Variants in ASTN2 observed in about 807,000 individuals in gnomAD.
ASTN2 encodes astrotactin 2.
Under a neutral mutation model 139.8 loss-of-function variants are expected in ASTN2, and 54 were observed. That is an observed-to-expected ratio of 0.39 (90% CI 0.31 to 0.48). ASTN2 has a LOEUF of 0.48. Among genes scored for constraint, ASTN2 ranks in the 20% least tolerant of loss-of-function variants. The pLI is 0.95. For synonymous variants in ASTN2, 756 were observed against 719.5 expected (o/e 1.05, Z -0.81); for missense variants, 1,565 against 1,725.1 (o/e 0.91, Z 1.64).
chr9:116,619,796 C>T (rs924237942), intron 18 of ASTN2, among the ~76,000 whole-genome samples: 2 of 148,622 alleles, frequency 1.3e-5, no homozygotes, highest in African/African-American at 5.0e-5. Context: ...TCCTAAAGTG[C>T]AGGGATTACA....
intron 11 of ASTN2, among the ~76,000 whole-genome samples, chr9:116,840,333 C>A (rs916502688): frequency 1.3e-5 from 2 of 151,306 alleles, no homozygotes; most frequent in Non-Finnish European, 2.9e-5. Context: ...ACCTTTCCCC[C>A]CTTTCTATTC....
chr9:117,089,737 C>G (rs1828658032), intron 5 of ASTN2, among the ~76,000 whole-genome samples: 1 of 145,386 alleles, frequency 6.9e-6, no homozygotes, highest in African/African-American at 2.5e-5. Context: ...GCCTTTGCGT[C>G]ACCATAGTTT....
chr9:116,915,169 C>T (rs1834407473), intron 10 of ASTN2, among the ~76,000 whole-genome samples: 1 of 152,136 alleles, frequency 6.6e-6, no homozygotes, highest in Admixed American at 6.5e-5. Flanking sequence ...CCATTGAATA[C>T]AAAGCAAATA....
At chr9:117,171,164 A>T (rs201265351) in intron 3 of ASTN2, among the ~76,000 whole-genome samples, 1 of 150,868 alleles carries the variant, frequency 6.6e-6, no homozygotes, top group East Asian at 2.0e-4. Context: ...GGCAAAAGAA[A>T]AAAAGAAAAG....
rs183475811 is a variant in ASTN2, at chr9:116,764,798, G to A, written c.2397-31275C>T. ...TAATTGTCGTCCTACATTTATGTGA[G>A]TGCTGACATTTGAGAACTTTAACTG... is the stretch of plus-strand genomic sequence containing the variant. On this transcript the variant is annotated intron_variant, in intron 13 of 22. Coordinates refer to ENST00000313400, the MANE Select transcript of ASTN2 (RefSeq NM_001365068.1). 3.0e-3 allele frequency among the ~76,000 whole-genome samples: 463 copies of A among 152,292 alleles called. 2 individuals are homozygous for A. The highest frequency in any genetic ancestry group is 0.01 in the Middle Eastern group (3 of 294).
chr9:116,827,844 A>T (rs1047863121), intron 11 of ASTN2, among the ~76,000 whole-genome samples: 1 of 152,194 alleles, frequency 6.6e-6, no homozygotes, highest in Non-Finnish European at 1.5e-5. Flanking sequence ...TCCTGAAACA[A>T]TCCCAAAAAA....
chr9:116,774,824 T>C (rs149951366), intron 13 of ASTN2, among the ~76,000 whole-genome samples: 65 of 152,326 alleles, frequency 4.3e-4, no homozygotes, highest in South Asian at 2.5e-3. Context: ...ACTGCTAATA[T>C]GCAGGGCCTT....
At chr9:116,465,921 A>C (rs554193279) in intron 20 of ASTN2, among the ~76,000 whole-genome samples, 1 of 152,262 alleles carries the variant, frequency 6.6e-6, no homozygotes, top group East Asian at 1.9e-4. Flanking sequence ...GACATGCAGT[A>C]ATCCTGAATA....
At chr9:116,801,619 A>C (rs1830861380) in intron 13 of ASTN2, among the ~76,000 whole-genome samples, 1 of 148,914 alleles carries the variant, frequency 6.7e-6, no homozygotes, top group African/African-American at 2.5e-5. Flanking sequence ...AAAAAGAAAG[A>C]AAGAAAAAGA....
intron 3 of ASTN2, among the ~76,000 whole-genome samples, chr9:117,175,418 C>A (rs531765130): frequency 2.6e-5 from 4 of 152,132 alleles, no homozygotes; most frequent in East Asian, 1.9e-4. Context: ...TGACAGCAAG[C>A]CTTTTCATAA....
intron 7 of ASTN2, among the ~76,000 whole-genome samples, chr9:116,978,454 A>G (rs998703224): frequency 1.5e-4 from 22 of 148,464 alleles, no homozygotes; most frequent in African/African-American, 5.5e-4. Context: ...CTCTCTCTGT[A>G]TCTCTCTCTG....
chr9:117,167,301 A>C (rs1466337827), intron 3 of ASTN2, among the ~76,000 whole-genome samples: 1 of 152,090 alleles, frequency 6.6e-6, no homozygotes, highest in African/African-American at 2.4e-5. Flanking sequence ...CTTAATTGCT[A>C]AATTTTTGTG....
chr9:117,330,780 T>G (rs1288269423), intron 1 of ASTN2, among the ~76,000 whole-genome samples: 1 of 152,176 alleles, frequency 6.6e-6, no homozygotes, highest in Non-Finnish European at 1.5e-5. Context: ...GTTGTAACCA[T>G]GAAACTGAGT....
At chr9:117,003,169 T>C (rs1021640899) in intron 7 of ASTN2, among the ~76,000 whole-genome samples, 1 of 152,136 alleles carries the variant, frequency 6.6e-6, no homozygotes, top group Non-Finnish European at 1.5e-5. Context: ...CACAGTTTTG[T>C]CAAGATAATT....
intron 1 of ASTN2, among the ~76,000 whole-genome samples, chr9:117,371,816 C>G (rs1046527470): frequency 1.3e-5 from 2 of 152,084 alleles, no homozygotes; most frequent in Non-Finnish European, 2.9e-5. Flanking sequence ...GTAATTTTCT[C>G]ATTCTACAGA....
At chr9:116,627,355 T>C (rs1856517394) in intron 17 of ASTN2, among the ~76,000 whole-genome samples, 2 of 152,248 alleles carry the variant, frequency 1.3e-5, no homozygotes, top group South Asian at 2.1e-4. Context: ...GCACGGATTC[T>C]TGGCATTTCA....
intron 3 of ASTN2, among the ~76,000 whole-genome samples, chr9:117,159,391 T>C (rs1308724928): frequency 6.6e-6 from 1 of 151,938 alleles, no homozygotes; most frequent in Non-Finnish European, 1.5e-5. Context: ...AAAGAAAAAG[T>C]GTTGGAGTCT....
rs1022585510 is a variant in ASTN2, at chr9:116,556,671, T to C, written c.3355+61653A>G. On this transcript the variant is annotated intron_variant, in intron 19 of 22. Coordinates refer to ENST00000313400, the MANE Select transcript of ASTN2 (RefSeq NM_001365068.1). ...ATTTGACGATGACCAATATTCCTTCTAGCTCTAGCTTTCTAAGACTTTAGT... is the reference window on the plus strand; with the variant it reads ...ATTTGACGATGACCAATATTCCTTCCAGCTCTAGCTTTCTAAGACTTTAGT... 2.0e-5 allele frequency among the ~76,000 whole-genome samples: 3 copies of C among 152,328 alleles called. 1 individual carries two copies. In the East Asian group the frequency reaches 5.8e-4, roughly 29 times the overall value.
chr9:116,691,613 G>A (rs1271938115), intron 16 of ASTN2, among the ~76,000 whole-genome samples: 2 of 152,170 alleles, frequency 1.3e-5, no homozygotes, highest in African/African-American at 4.8e-5. Flanking sequence ...AACTTCAGGA[G>A]CATGCCTGTG....
Sources: allele counts gnomAD v4.1 joint callset (sites outside exome capture counted in the v4.1 genomes callset), GRCh38; gene constraint gnomAD v4.1.1; transcripts MANE v1.5; gene names NCBI Gene and HGNC (gene_info 2026-07-23, HGNC 2026-07-21).